LYZL4: variants seen among roughly 807,000 people sequenced by gnomAD.
The protein encoded by LYZL4 is lysozyme-like protein 4.
LYZL4 carries 13 observed loss-of-function variants against 17.6 expected under a neutral mutation model. The observed-to-expected ratio is 0.74, with a 90% CI of 0.48 to 1.18. The LOEUF is 1.18. Among genes scored for constraint, LYZL4 ranks in the 50% most tolerant of loss-of-function variants. The pLI is 0.00. For missense variants in LYZL4, 174 were observed against 188.2 expected, an observed-to-expected ratio of 0.92 and a Z score of 0.44; for synonymous variants, 64 against 67.7, an observed-to-expected ratio of 0.95 and a Z score of 0.27.
the LYZL4 span, among the ~76,000 whole-genome samples, chr3:42,363,743 C>A: frequency 6.6e-6 from 1 of 152,314 alleles, no homozygotes; most frequent in South Asian, 2.1e-4. Flanking sequence ...GAAAAAGCAT[C>A]ATTTCACCAG....
the LYZL4 span, among the ~76,000 whole-genome samples, chr3:42,375,238 G>T: frequency 1.3e-5 from 2 of 152,144 alleles, no homozygotes; most frequent in Non-Finnish European, 2.9e-5. Flanking sequence ...CCTGCTGAAT[G>T]GCACAAAGAC....
the LYZL4 span, among the ~76,000 whole-genome samples, chr3:42,365,686 G>A: frequency 0.061 from 9,239 of 152,176 alleles, 374 homozygotes; most frequent in Middle Eastern, 0.099. Context: ...ACAAGGCCAC[G>A]ACACGGTGTG....
chr3:42,372,692 G>T, the LYZL4 span, among the ~76,000 whole-genome samples: 1 of 152,204 alleles, frequency 6.6e-6, no homozygotes, highest in East Asian at 1.9e-4. Context: ...GGGGAGTGGG[G>T]CTTAACTTTC....
rs979591567 is a variant in LYZL4, at chr3:42,407,178, C to T, written c.74G>A (p.Cys25Tyr). Reference sequence around the variant, plus strand: ...ATCGTGGAGTTTCTTAGCCACTGTGCAACGCCCCAAGATGTAAGCACCACT... The same window carrying T: ...ATCGTGGAGTTTCTTAGCCACTGTGTAACGCCCCAAGATGTAAGCACCACT... ...VPSGAYILGR[C>Y]TVAKKLHDGG... The change falls in exon 2 of 5, where the codon TGC (cysteine) becomes TAC (tyrosine). Residue 25 changes from cysteine to tyrosine, a missense_variant. Cys to Tyr is a radical substitution (Grantham distance 194). Transcript: ENST00000287748. 1.2e-6 allele frequency: 2 copies of T among 1,614,146 alleles called. No homozygotes were observed. Among genetic ancestry groups the T allele is most frequent in the Non-Finnish European group, 1.7e-6 (2 of 1,180,020 alleles).
At chr3:42,373,916 A>G in the LYZL4 span, among the ~76,000 whole-genome samples, 1 of 152,204 alleles carries the variant, frequency 6.6e-6, no homozygotes, top group African/African-American at 2.4e-5. Context: ...ATGTATATAT[A>G]TATGGGTTAG....
the LYZL4 span, among the ~76,000 whole-genome samples, chr3:42,387,558 T>C: frequency 6.6e-6 from 1 of 152,118 alleles, no homozygotes; most frequent in Non-Finnish European, 1.5e-5. Context: ...GTGCTCCACA[T>C]GCCGCCTCCC....
chr3:42,387,127 T>C, the LYZL4 span, among the ~76,000 whole-genome samples: 2 of 152,196 alleles, frequency 1.3e-5, no homozygotes. Flanking sequence ...ATAATAATAA[T>C]AACAACATAC....
At chr3:42,372,040 C>T in the LYZL4 span, among the ~76,000 whole-genome samples, 1 of 152,224 alleles carries the variant, frequency 6.6e-6, no homozygotes, top group Non-Finnish European at 1.5e-5. Flanking sequence ...CTGGAGCCAG[C>T]TGTCTCAGCA....
At chr3:42,375,697 A>G in the LYZL4 span, among the ~76,000 whole-genome samples, 1 of 152,296 alleles carries the variant, frequency 6.6e-6, no homozygotes, top group South Asian at 2.1e-4. Flanking sequence ...ATGCTCTGTA[A>G]TATGAACAAG....
chr3:42,365,144 G>T, the LYZL4 span, among the ~76,000 whole-genome samples: 12 of 152,264 alleles, frequency 7.9e-5, no homozygotes, highest in South Asian at 2.1e-3. Flanking sequence ...AACTGGTTTG[G>T]ATAAACCAGC....
At chr3:42,392,934 C>A (rs967753287), downstream of LYZL4, among the ~76,000 whole-genome samples, 2 of 152,100 alleles carry the variant, frequency 1.3e-5, no homozygotes, top group Non-Finnish European at 2.9e-5. Flanking sequence ...AGGTGATGAA[C>A]TCAAGGAACC....
At chr3:42,391,339 A>G in the LYZL4 span, among the ~76,000 whole-genome samples, 6 of 152,340 alleles carry the variant, frequency 3.9e-5, no homozygotes, top group African/African-American at 1.4e-4. Flanking sequence ...ATGAAAACAG[A>G]GAAGAAATCT....
At chr3:42,387,807 C>T in the LYZL4 span, among the ~76,000 whole-genome samples, 1 of 152,184 alleles carries the variant, frequency 6.6e-6, no homozygotes, top group Non-Finnish European at 1.5e-5. Context: ...TGTCTCCAGC[C>T]AGGGCTACCC....
At chr3:42,406,467 A>G (rs898036650) in intron 3 of LYZL4, among the ~76,000 whole-genome samples, 9 of 73,302 alleles carry the variant, frequency 1.2e-4, no homozygotes, top group East Asian at 5.0e-4. Flanking sequence ...AAAAAAAAAA[A>G]AAAAAAAAAA....
At chr3:42,364,740 C>T in the LYZL4 span, among the ~76,000 whole-genome samples, 1 of 152,078 alleles carries the variant, frequency 6.6e-6, no homozygotes, top group African/African-American at 2.4e-5. Context: ...TCCCAAAATG[C>T]TAGGATTACA....
At chr3:42,367,150 G>A in the LYZL4 span, among the ~76,000 whole-genome samples, 1 of 152,158 alleles carries the variant, frequency 6.6e-6, no homozygotes, top group East Asian at 1.9e-4. Flanking sequence ...AGCACCGGTT[G>A]CCTCGATGAC....
the LYZL4 span, among the ~76,000 whole-genome samples, chr3:42,362,600 T>G: frequency 6.6e-6 from 1 of 152,208 alleles, no homozygotes; most frequent in Non-Finnish European, 1.5e-5. Flanking sequence ...AAGGGGCAAG[T>G]CAGCTCTCTG....
the LYZL4 span, among the ~76,000 whole-genome samples, chr3:42,389,561 T>C: frequency 6.6e-6 from 1 of 152,222 alleles, no homozygotes; most frequent in African/African-American, 2.4e-5. Flanking sequence ...CGTAGGGTCT[T>C]AAAGCAAAGC....
the LYZL4 span, among the ~76,000 whole-genome samples, chr3:42,366,930 T>C: frequency 0.81 from 123,245 of 152,178 alleles, 50,580 homozygotes; most frequent in African/African-American, 0.94. Context: ...CCTCTGATCT[T>C]GTTTCTAGTT....
Sources: allele counts gnomAD v4.1 joint callset (sites outside exome capture counted in the v4.1 genomes callset), GRCh38; gene constraint gnomAD v4.1.1; transcripts MANE v1.5; gene names NCBI Gene and HGNC (gene_info 2026-07-23, HGNC 2026-07-21).